SYT14: variants seen among roughly 807,000 people sequenced by gnomAD.
SYT14 encodes the protein synaptotagmin-14.
Under a neutral mutation model 74.2 loss-of-function variants are expected in SYT14, and 32 were observed. The ratio of observed to expected loss-of-function variants is 0.43; its 90% confidence interval spans 0.33 to 0.58. The LOEUF is 0.58. SYT14 is among the 20% of genes least tolerant of loss of function. The pLI is 0.05. For missense variants in SYT14, 791 were observed against 981.8 expected (o/e 0.81, Z 2.60); for synonymous variants, 298 against 337.7 (o/e 0.88, Z 1.29).
intron 1 of SYT14, among the ~76,000 whole-genome samples, chr1:209,944,483 T>G (rs537162650): frequency 6.6e-6 from 1 of 152,306 alleles, no homozygotes; most frequent in East Asian, 1.9e-4. Context: ...TAGCATGCTT[T>G]GTAAATTATA....
At chr1:210,153,320 A>C (rs925026103) in intron 7 of SYT14, among the ~76,000 whole-genome samples, 9 of 152,244 alleles carry the variant, frequency 5.9e-5, no homozygotes, top group Admixed American at 5.2e-4. Flanking sequence ...CTGATTACTA[A>C]TGAAGTCAAA....
At chr1:210,161,640 A>G (rs1291874273) in exon 10 of SYT14, 1 of 453,812 alleles carries the variant, frequency 2.2e-6, no homozygotes, top group African/African-American at 2.0e-5. Context: ...ATCTAAGTGC[A>G]AACAAGTATT....
chr1:210,001,733 G>A (rs938806252), intron 2 of SYT14, among the ~76,000 whole-genome samples: 3 of 152,078 alleles, frequency 2.0e-5, no homozygotes, highest in East Asian at 3.8e-4. Context: ...TATTAAGAAA[G>A]TAATGTTTAA....
At chr1:209,970,959 T>C (rs886457153) in intron 2 of SYT14, among the ~76,000 whole-genome samples, 1 of 151,794 alleles carries the variant, frequency 6.6e-6, no homozygotes. Context: ...GGATTACAGG[T>C]GTGAGCCACT....
Position 210,003,879 on chromosome 1 carries a change from C to T in SYT14, c.-485-9754C>T, listed in dbSNP as rs1437667904. Among the ~76,000 whole-genome samples the T allele has an allele frequency of 3.9e-5, 6 of 152,072 alleles. No homozygotes were observed. The East Asian group carries it at 1.2e-3, about 29-fold the overall frequency. ...TCCCACATAAATTTAATTTTATTCACAAATGATTTATTTTTTTAACAAATG... is the reference window on the plus strand; with the variant it reads ...TCCCACATAAATTTAATTTTATTCATAAATGATTTATTTTTTTAACAAATG... On this transcript the variant is annotated intron_variant, in intron 2 of 9. Transcript: ENST00000637265.
At chr1:209,973,920 G>C (rs1438632907) in intron 2 of SYT14, among the ~76,000 whole-genome samples, 3 of 152,132 alleles carry the variant, frequency 2.0e-5, no homozygotes, top group Non-Finnish European at 4.4e-5. Flanking sequence ...GTGTGAGATG[G>C]TATCTCATTG....
intron 5 of SYT14, among the ~76,000 whole-genome samples, chr1:210,041,350 T>C (rs1191418843): frequency 6.6e-6 from 1 of 152,114 alleles, no homozygotes; most frequent in Non-Finnish European, 1.5e-5. Context: ...GAAAGAAGGT[T>C]TCCAAATGAG....
chr1:210,130,953 CAG>C (rs1270862634), intron 7 of SYT14, among the ~76,000 whole-genome samples: 18 of 152,052 alleles, frequency 1.2e-4, no homozygotes, highest in African/African-American at 4.3e-4. Flanking sequence ...AAATTTGAAT[CAG>C]AAATAATCTT....
chr1:209,969,758 C>T (rs893976496), intron 2 of SYT14, among the ~76,000 whole-genome samples: 7 of 152,046 alleles, frequency 4.6e-5, no homozygotes, highest in Admixed American at 2.6e-4. Flanking sequence ...GGATTACAGG[C>T]GTGAGCCACC....
At chr1:210,015,792 A>G in exon 4 of SYT14, 1 of 878,980 alleles carries the variant, frequency 1.1e-6, no homozygotes. Flanking sequence ...AAGTGGTTTG[A>G]TTTTTTTTTT....
intron 5 of SYT14, among the ~76,000 whole-genome samples, chr1:210,029,185 A>G (rs895528603): frequency 6.6e-6 from 1 of 152,200 alleles, no homozygotes. Context: ...CTTATCAGAT[A>G]TATGGTTTGC....
At position 210,078,267 on chromosome 1, in the gene SYT14, G is replaced by A. The variant is rs191530066; in HGVS notation, c.1313-16055G>A. On this transcript the variant is annotated intron_variant, in intron 5 of 9. Transcript: ENST00000637265. ...AGAGCTTGCAGTGAGCTGAGATCAC[G>A]CCACTGCACTCCAGCCTGGGCGACA... Among the ~76,000 whole-genome samples the A allele has an allele frequency of 8.3e-3, 1,006 of 121,402 alleles. 9 individuals are homozygous for A. Among genetic ancestry groups the A allele is most frequent in the African/African-American group, 0.03 (939 of 31,592 alleles). The allele number at this position is 121,402 out of a possible 152,430, so 79.6% of individuals were successfully genotyped here. A position where few individuals can be genotyped will look rare whatever the true frequency, so the allele number is the denominator to read the frequency against.
At chr1:209,971,847 T>C (rs558550165) in intron 2 of SYT14, among the ~76,000 whole-genome samples, 2 of 152,290 alleles carry the variant, frequency 1.3e-5, no homozygotes, top group African/African-American at 4.8e-5. Context: ...TGAAGTTTTC[T>C]TTTTTTGTTG....
chr1:209,983,400 T>C (rs1379722826), intron 2 of SYT14, among the ~76,000 whole-genome samples: 2 of 152,162 alleles, frequency 1.3e-5, no homozygotes, highest in African/African-American at 4.8e-5. Context: ...CTGCCTTCTT[T>C]TTTTCCCCCT....
chr1:210,121,118 A>G (rs1022833781), intron 7 of SYT14, among the ~76,000 whole-genome samples: 1 of 152,156 alleles, frequency 6.6e-6, no homozygotes, highest in Non-Finnish European at 1.5e-5. Context: ...CATTTTCTTC[A>G]TTTGTAAAAA....
intron 2 of SYT14, among the ~76,000 whole-genome samples, chr1:209,971,271 G>A (rs1268491417): frequency 1.3e-5 from 2 of 152,154 alleles, no homozygotes; most frequent in East Asian, 1.9e-4. Flanking sequence ...TATCAGTTCC[G>A]GGAGTGTTTT....
chr1:210,111,938 C>A (rs1382027448), intron 7 of SYT14, among the ~76,000 whole-genome samples: 1 of 150,994 alleles, frequency 6.6e-6, no homozygotes, highest in Non-Finnish European at 1.5e-5. Context: ...ACCATTAGTC[C>A]ATTTTATCTT....
intron 5 of SYT14, among the ~76,000 whole-genome samples, chr1:210,025,090 TG>T (rs1429520341): frequency 6.6e-6 from 1 of 152,160 alleles, no homozygotes; most frequent in Non-Finnish European, 1.5e-5. Context: ...GAGAGGTAGT[TG>T]GGGGGTTTTG....
rs542837082 is a variant in SYT14 at position 210,122,271 on chromosome 1, C to T, written c.2034+21810C>T. On this transcript the variant is annotated intron_variant, in intron 7 of 9. Coordinates refer to ENST00000637265, the Ensembl canonical transcript of SYT14. ...GGGATTACAGGCGTGAGCCACCGCGCCCGGCCCAAATCCTGAAACTTTTAA... is the reference window on the plus strand; with the variant it reads ...GGGATTACAGGCGTGAGCCACCGCGTCCGGCCCAAATCCTGAAACTTTTAA... 6.4e-3 allele frequency among the ~76,000 whole-genome samples: 120 copies of T among 18,824 alleles called. 43 individuals carry two copies. The highest frequency in any genetic ancestry group is 0.015 in the Admixed American group (17 of 1,146). The allele number at this position is 18,824 out of a possible 152,430, so 12.3% of individuals were successfully genotyped here.
Sources: allele counts gnomAD v4.1 joint callset (sites outside exome capture counted in the v4.1 genomes callset), GRCh38; gene constraint gnomAD v4.1.1; transcripts MANE v1.5; gene names NCBI Gene and HGNC (gene_info 2026-07-23, HGNC 2026-07-21).